CHD9: variants seen among roughly 807,000 people sequenced by gnomAD.
The protein encoded by CHD9 is chromodomain helicase DNA binding protein 9.
CHD9 carries 77 observed loss-of-function variants against 316.1 expected under a neutral mutation model. That is an observed-to-expected ratio of 0.24 (90% CI 0.20 to 0.29). The LOEUF (loss-of-function observed/expected upper bound fraction) is 0.29. Ranked by LOEUF, CHD9 falls within the 10% of genes least tolerant of loss-of-function variation. The pLI is 1.00. For synonymous variants in CHD9, 1,129 were observed against 1,158.3 expected, an observed-to-expected ratio of 0.97 and a Z score of 0.51; for missense variants, 2,763 against 3,438.1, an observed-to-expected ratio of 0.80 and a Z score of 4.91.
At chr16:53,235,542 T>C (rs1211697460) in intron 11 of CHD9, among the ~76,000 whole-genome samples, 1 of 152,152 alleles carries the variant, frequency 6.6e-6, no homozygotes, top group Non-Finnish European at 1.5e-5. Context: ...ATACTTAAAT[T>C]TGAAATACCT....
At chr16:53,322,825 A>C (rs2057364226) in intron 38 of CHD9, among the ~76,000 whole-genome samples, 1 of 152,198 alleles carries the variant, frequency 6.6e-6, no homozygotes, top group Non-Finnish European at 1.5e-5. Flanking sequence ...GGGGAATTAT[A>C]GAATGTGTAT....
intron 1 of CHD9, among the ~76,000 whole-genome samples, chr16:53,133,456 A>C (rs2039482928): frequency 6.6e-6 from 1 of 152,132 alleles, no homozygotes; most frequent in Non-Finnish European, 1.5e-5. Context: ...GAAAAAAAAA[A>C]TTATGATGCT....
chr16:53,086,737 C>G (rs766928560), intron 1 of CHD9, among the ~76,000 whole-genome samples: 16 of 152,144 alleles, frequency 1.1e-4, no homozygotes, highest in Non-Finnish European at 1.8e-4. Flanking sequence ...CAAATAAATG[C>G]TCAGGTAGGC....
At chr16:53,074,552 C>T (rs2034364136) in intron 1 of CHD9, among the ~76,000 whole-genome samples, 1 of 152,162 alleles carries the variant, frequency 6.6e-6, no homozygotes, top group African/African-American at 2.4e-5. Context: ...GCCCCAGGGT[C>T]CCCATGCTGT....
In CHD9 at chr16:53,088,275, C is replaced by CTTTTTT. The variant is rs35052198; in HGVS notation, c.-165+33201_-165+33202insTTTTTT. 2.8e-4 allele frequency among the ~76,000 whole-genome samples: 36 copies of CTTTTTT among 127,082 alleles called. 10 individuals carry two copies. The highest frequency in any genetic ancestry group is 3.5e-4 in the Non-Finnish European group (22 of 62,114). The allele number at this position is 127,082 out of a possible 152,430, so 83.4% of individuals were successfully genotyped here. ...CTGTAATCAAGGAAAATGACATGCA[C>CTTTTTT]TTTGTTTTTTTTTTTTTTTTGAGAT... On this transcript the variant is annotated intron_variant, in intron 1 of 38. Coordinates refer to ENST00000447540, the MANE Select transcript of CHD9 (RefSeq NM_001308319.2).
chr16:53,250,094 A>G (rs771523752), intron 17 of CHD9, 28 bp downstream of exon 17: 8 of 1,550,194 alleles, frequency 5.2e-6, no homozygotes, highest in South Asian at 4.8e-5. Flanking sequence ...CTAACAAAAA[A>G]TGCATTTTTT....
chr16:53,252,972 C>G (rs1412382084), intron 17 of CHD9, among the ~76,000 whole-genome samples: 2 of 152,098 alleles, frequency 1.3e-5, no homozygotes, highest in Non-Finnish European at 2.9e-5. Flanking sequence ...AGTACAGCCA[C>G]TATGGAAAAC....
At chr16:53,283,560 C>T (rs2053599795) in intron 24 of CHD9, among the ~76,000 whole-genome samples, 1 of 152,160 alleles carries the variant, frequency 6.6e-6, no homozygotes, top group African/African-American at 2.4e-5. Flanking sequence ...CTATCTGACC[C>T]ACTTTTTTTC....
chr16:53,307,502 G>C (rs947396859), intron 32 of CHD9, among the ~76,000 whole-genome samples, 179 bp from the exon 33 acceptor site: 3 of 151,990 alleles, frequency 2.0e-5, no homozygotes, highest in African/African-American at 7.3e-5. Flanking sequence ...TCACCAAAGG[G>C]AATCTGTACT....
chr16:53,208,419 C>T (rs1462955090), intron 2 of CHD9: 12 of 1,244,054 alleles, frequency 9.6e-6, no homozygotes, highest in Non-Finnish European at 1.2e-5. Context: ...ATTGAATAAC[C>T]TTCCTTATTA....
Position 53,303,839 on chromosome 16 carries a change from T to C in CHD9, c.5833T>C (p.Phe1945Leu). The C allele has an allele frequency of 6.2e-7, 1 of 1,614,032 alleles. No homozygotes were observed. The change falls in exon 31 of 39, where the codon TTT becomes CTT. Residue 1945 changes from phenylalanine (F) to leucine (L), a missense_variant. Physicochemically the swap from Phe to Leu is conservative, Grantham distance 22 (BLOSUM62 0). Transcript: ENST00000447540. ...ACAGGCCCTTCGACATCCACAGTTG[T>C]TTGAACGCTTGAAGCTTTGCCATCC... ...REQALRHPQL[F>L]ERLKLCHPNP...
At chr16:53,075,804 G>A (rs1159422196) in intron 1 of CHD9, among the ~76,000 whole-genome samples, 1 of 152,108 alleles carries the variant, frequency 6.6e-6, no homozygotes, top group Admixed American at 6.5e-5. Context: ...AATACATATG[G>A]TAATTTCATT....
chr16:53,100,074 G>C (rs754649733), intron 1 of CHD9, among the ~76,000 whole-genome samples: 36 of 152,224 alleles, frequency 2.4e-4, no homozygotes, highest in Non-Finnish European at 2.2e-4. Context: ...GGGATGAAGC[G>C]GTGAAGGGCA....
chr16:53,298,687 A>G (rs2153068802), intron 30 of CHD9: 1 of 152,682 alleles, frequency 6.5e-6, no homozygotes, highest in African/African-American at 2.4e-5. Flanking sequence ...CTCACCAAAC[A>G]TATGGTACTG....
intron 1 of CHD9, among the ~76,000 whole-genome samples, chr16:53,102,695 A>G (rs950150911): frequency 2.2e-5 from 2 of 91,042 alleles, no homozygotes; most frequent in Non-Finnish European, 5.3e-5. Flanking sequence ...GCAAAAAAAT[A>G]AAAAATTAGC....
At chr16:53,063,403 A>ACAC (rs1567301858) in intron 1 of CHD9, among the ~76,000 whole-genome samples, 4 of 121,386 alleles carry the variant, frequency 3.3e-5, no homozygotes, top group Non-Finnish European at 7.5e-5. Flanking sequence ...CACACACACA[A>ACAC]AATGTGAAGG....
At chr16:53,075,987 T>C (rs140018904) in intron 1 of CHD9, among the ~76,000 whole-genome samples, 2 of 152,282 alleles carry the variant, frequency 1.3e-5, no homozygotes, top group Non-Finnish European at 2.9e-5. Flanking sequence ...CATTATAGCT[T>C]TGATTTCCAT....
chr16:53,075,617 G>T (rs753284308), intron 1 of CHD9, among the ~76,000 whole-genome samples: 6 of 152,110 alleles, frequency 3.9e-5, no homozygotes, highest in Non-Finnish European at 7.4e-5. Context: ...TTCCGGGGGT[G>T]GGGGGTTCTG....
chr16:53,072,399 C>CT (rs35582199), intron 1 of CHD9, among the ~76,000 whole-genome samples: 13 of 93,642 alleles, frequency 1.4e-4, no homozygotes, highest in African/African-American at 3.6e-4. Context: ...ATCACCATAA[C>CT]TTTTTTTTTT....
Sources: gnomAD v4.1 joint callset for allele counts (sites outside exome capture counted in the v4.1 genomes callset) on GRCh38, gnomAD v4.1.1 for gene constraint, MANE v1.5 for transcripts, NCBI Gene and HGNC (gene_info 2026-07-23, HGNC 2026-07-21) for gene names.